Variants in EYS observed in about 807,000 individuals in gnomAD.
The protein encoded by EYS is EGF-like photoreceptor maintenance factor.
In EYS, 250 loss-of-function variants were observed where a neutral mutation model predicts 282.1. The observed-to-expected ratio is 0.89, with a 90% CI of 0.80 to 0.98. The LOEUF (loss-of-function observed/expected upper bound fraction) is 0.98, where lower values mean the gene tolerates loss of function less well. EYS is among the 50% of genes least tolerant of loss of function. The probability of loss-of-function intolerance (pLI) is 0.00; values close to 1 mark genes in which losing one functional copy is unlikely to be tolerated. For missense variants in EYS, 4,016 were observed against 3,709.0 expected (o/e 1.08, Z -2.15); for synonymous variants, 1,355 against 1,282.9 (o/e 1.06, Z -1.20).
rs905799771 is a variant in EYS at position 63,723,118 on chromosome 6, A to G, written c.8234-1321T>C. 3.3e-5 allele frequency among the ~76,000 whole-genome samples: 5 copies of G among 152,350 alleles called. No individual in the cohort carries two copies. The South Asian group carries it at 1.0e-3, about 32-fold the overall frequency. ...AGGGTTGTGGGTTGAGATGACTCAG[A>G]ATATTTCTCAAATAATAGTTTTAGC... On this transcript the variant is annotated intron_variant, in intron 42 of 42. Transcript: ENST00000503581.
chr6:64,105,394 T>G (rs1772975581), intron 31 of EYS, among the ~76,000 whole-genome samples: 1 of 152,058 alleles, frequency 6.6e-6, no homozygotes, highest in Admixed American at 6.6e-5. Flanking sequence ...TACAACCTTC[T>G]CCACTAATGA....
intron 12 of EYS, among the ~76,000 whole-genome samples, chr6:65,170,901 A>G (rs1185698845): frequency 6.6e-6 from 1 of 151,522 alleles, no homozygotes; most frequent in Non-Finnish European, 1.5e-5. Flanking sequence ...AGACACAATA[A>G]GATTCTCCAA....
intron 40 of EYS, among the ~76,000 whole-genome samples, chr6:63,767,912 A>G (rs968217627): frequency 1.3e-5 from 2 of 152,090 alleles, no homozygotes; most frequent in African/African-American, 4.8e-5. Context: ...GAACATAGAA[A>G]TAAAGTCATA....
At chr6:65,362,885 TA>T (rs1184620862) in intron 8 of EYS, among the ~76,000 whole-genome samples, 2 of 152,062 alleles carry the variant, frequency 1.3e-5, no homozygotes, top group Non-Finnish European at 2.9e-5. Flanking sequence ...ATCATTGCTT[TA>T]AATTCAAAAA....
intron 30 of EYS, among the ~76,000 whole-genome samples, chr6:64,297,389 G>A (rs75020560): frequency 1.4e-5 from 2 of 146,062 alleles, no homozygotes; most frequent in South Asian, 2.2e-4. Context: ...TCCATGCCCA[G>A]GAAAGGGTTT....
At chr6:64,472,353 A>T (rs549124756) in intron 26 of EYS, among the ~76,000 whole-genome samples, 1 of 152,276 alleles carries the variant, frequency 6.6e-6, no homozygotes, top group Admixed American at 6.5e-5. Flanking sequence ...CCCATTACAG[A>T]TTGATTTATT....
chr6:64,621,007 G>A (rs1451753063), intron 23 of EYS, among the ~76,000 whole-genome samples: 3 of 152,048 alleles, frequency 2.0e-5, no homozygotes, highest in African/African-American at 7.2e-5. Flanking sequence ...TAAAATTGGA[G>A]TAAATTTTTA....
chr6:64,643,125 A>AAT (rs1215863985), intron 22 of EYS, among the ~76,000 whole-genome samples: 18 of 149,154 alleles, frequency 1.2e-4, no homozygotes, highest in African/African-American at 4.4e-4. Flanking sequence ...CCCCCCCCAA[A>AAT]AAAAAACAAC....
chr6:65,176,154 T>C (rs890528545), intron 12 of EYS, among the ~76,000 whole-genome samples: 2 of 151,664 alleles, frequency 1.3e-5, no homozygotes, highest in South Asian at 2.1e-4. Context: ...TTGTTAACTA[T>C]ATTCTCATTG....
chr6:64,991,941 G>C (rs1771080396), intron 14 of EYS, among the ~76,000 whole-genome samples: 1 of 151,586 alleles, frequency 6.6e-6, no homozygotes, highest in Admixed American at 6.6e-5. Context: ...AATATCACAG[G>C]AATTTAGAGC....
rs1771327592 is a variant in EYS, at chr6:63,821,582, CTT to C, written c.7229-15212_7229-15211del. 12 of 152,404 alleles carry C rather than the reference CTT, an allele frequency of 7.9e-5. No homozygotes were observed. In the South Asian group the frequency reaches 2.5e-3, roughly 32 times the overall value. The allele number at this position is 152,404 out of a possible 1,614,324, so 9.4% of individuals were successfully genotyped here. On this transcript the variant is annotated intron_variant, in intron 36 of 42. Coordinates refer to ENST00000503581, the MANE Select transcript of EYS (RefSeq NM_001142800.2). Reference sequence around the variant, plus strand: ...GAAGGAGAAAGCCAATGACAGGTTGCTTCTTGACTGGAATTGTTCAGCACTCC... The same window carrying C: ...GAAGGAGAAAGCCAATGACAGGTTGCCTTGACTGGAATTGTTCAGCACTCC...
chr6:64,944,575 A>G (rs913387210), intron 15 of EYS, among the ~76,000 whole-genome samples: 5 of 152,042 alleles, frequency 3.3e-5, no homozygotes, highest in South Asian at 2.1e-4. Flanking sequence ...TTCTCCCCAT[A>G]TGATAGTCTG....
intron 26 of EYS, among the ~76,000 whole-genome samples, chr6:64,540,477 T>G (rs1764669082): frequency 1.2e-4 from 2 of 17,064 alleles, no homozygotes; most frequent in African/African-American, 3.3e-4. Flanking sequence ...AAGTACAGAT[T>G]TTTTTTTTTT....
chr6:63,955,893 A>C (rs1449937953), intron 35 of EYS, among the ~76,000 whole-genome samples: 1 of 152,088 alleles, frequency 6.6e-6, no homozygotes, highest in African/African-American at 2.4e-5. Context: ...TTCATTTCTC[A>C]ATTCATATAA....
chr6:65,084,529 G>T (rs1774312331), intron 12 of EYS, among the ~76,000 whole-genome samples: 1 of 152,032 alleles, frequency 6.6e-6, no homozygotes, highest in African/African-American at 2.4e-5. Flanking sequence ...AATAATATCT[G>T]CCCTAGAGCT....
intron 13 of EYS, among the ~76,000 whole-genome samples, chr6:65,047,922 G>A (rs1412999465): frequency 6.6e-6 from 1 of 151,872 alleles, no homozygotes; most frequent in Non-Finnish European, 1.5e-5. Flanking sequence ...ATCAGTGGAG[G>A]GGCATAGCCA....
intron 19 of EYS, among the ~76,000 whole-genome samples, chr6:64,849,047 T>C (rs145473962): frequency 8.7e-4 from 132 of 152,142 alleles, no homozygotes; most frequent in Non-Finnish European, 1.7e-3. Flanking sequence ...CCCTCCACAC[T>C]ATTCTATTTT....
rs147772133 is a variant in EYS at position 63,973,726 on chromosome 6, C to T, written c.7055+10657G>A. ...GCAGTTAGTGGTGGTAGTATCTGGA[C>T]GGTACTTGCTTAAAGCCATGACTGC... On this transcript the variant is annotated intron_variant, in intron 35 of 42. Coordinates refer to ENST00000503581, the MANE Select transcript of EYS (RefSeq NM_001142800.2). 5.5e-4 allele frequency among the ~76,000 whole-genome samples: 84 copies of T among 152,186 alleles called. 3 individuals are homozygous for T. Among genetic ancestry groups the T allele is most frequent in the Middle Eastern group, 3.4e-3 (1 of 294 alleles).
At chr6:64,064,380 C>T (rs1194506344) in intron 33 of EYS, among the ~76,000 whole-genome samples, 15 of 151,976 alleles carry the variant, frequency 9.9e-5, no homozygotes, top group Admixed American at 8.5e-4. Context: ...ATTAAGACAT[C>T]GAGAGCATGC....
Sources: gnomAD v4.1 joint callset for allele counts (sites outside exome capture counted in the v4.1 genomes callset) on GRCh38, gnomAD v4.1.1 for gene constraint, MANE v1.5 for transcripts, NCBI Gene and HGNC (gene_info 2026-07-23, HGNC 2026-07-21) for gene names.